The following FNTB variants were observed in gnomAD, a reference collection of about 807,000 sequenced individuals.
The protein encoded by FNTB is protein farnesyltransferase subunit beta.
Under a neutral mutation model 59.4 loss-of-function variants are expected in FNTB, and 27 were observed. The observed-to-expected ratio is 0.45, with a 90% CI of 0.34 to 0.63. The LOEUF is 0.63. Among genes scored for constraint, FNTB ranks in the 20% least tolerant of loss-of-function variants. FNTB has a pLI of 0.02. For synonymous variants in FNTB, 230 were observed against 220.7 expected (o/e 1.04, Z -0.37); for missense variants, 449 against 559.6 (o/e 0.80, Z 1.99).
At position 65,005,291 on chromosome 14, in the gene FNTB, A is replaced by T. The variant is rs369871618; in HGVS notation, c.209+978A>T. 3.9e-5 allele frequency among the ~76,000 whole-genome samples: 6 copies of T among 152,308 alleles called. No homozygotes were observed. In the East Asian group the frequency reaches 9.6e-4, roughly 24 times the overall value. The stretch of plus-strand genomic sequence containing the variant: ...TTGTAATATGTCACACTAGAATTTC[A>T]TAAGGTTATTTCATTCTTGTATTAG... On this transcript the variant is annotated intron_variant, in intron 2 of 11. Coordinates refer to ENST00000246166, the MANE Select transcript of FNTB (RefSeq NM_002028.4).
chr14:64,990,263 T>C lies in FNTB; in HGVS notation c.144+3166T>C, dbSNP rs1161339115. 6.6e-6 allele frequency among the ~76,000 whole-genome samples: 1 copy of C among 152,194 alleles called. No homozygotes were observed. Among genetic ancestry groups the C allele is most frequent in the Non-Finnish European group, 1.5e-5 (1 of 68,024 alleles). On this transcript the variant is annotated intron_variant, in intron 1 of 11. Transcript: ENST00000246166. The surrounding 1 kb of genome is among the most constrained non-coding windows in gnomAD (Gnocchi z 5.2). ...TTACTGCCCCAGATTCACTTGGCCCTTTTCTAGCCTGCTCTGTAGATGTGC... is the reference window on the plus strand; with the variant it reads ...TTACTGCCCCAGATTCACTTGGCCCCTTTCTAGCCTGCTCTGTAGATGTGC...
At position 65,044,335 on chromosome 14, in the gene FNTB, C is replaced by G; in HGVS notation, c.847C>G (p.Arg283Gly). The G allele has an allele frequency of 7.4e-6, 12 of 1,613,402 alleles. No individual in the cohort carries two copies. Among genetic ancestry groups the G allele is most frequent in the Non-Finnish European group, 1.0e-5 (12 of 1,179,752 alleles). Residue 283 changes from arginine to glycine, a missense_variant, in exon 9 of 12, where the codon CGA (arginine) becomes GGA (glycine). By Grantham distance (125) the Arg-to-Gly change is moderately radical. Around this residue, in one of 2 missense-constraint regions of FNTB, gnomAD observed 337 missense variants for 479.1 expected, o/e 0.70. Transcript: ENST00000246166. The surrounding 1 kb of genome is among the most constrained non-coding windows in gnomAD (Gnocchi z 5.5). Reference sequence around the variant, plus strand: ...GCAATGGGTGACAAGCCGGCAGATGCGATTTGAAGGAGGATTTCAGGGCCG... The same window carrying G: ...GCAATGGGTGACAAGCCGGCAGATGGGATTTGAAGGAGGATTTCAGGGCCG... ...LLQWVTSRQM[R>G]FEGGFQGRCN... is the part of the protein sequence containing the mutation.
intron 11 of FNTB, among the ~76,000 whole-genome samples, chr14:65,057,455 A>G (rs1322998159): frequency 6.6e-6 from 1 of 152,118 alleles, no homozygotes; most frequent in Non-Finnish European, 1.5e-5. Context: ...TTAATATTTT[A>G]ATTTTGAAGT....
rs765818642 is a variant in FNTB at position 65,049,727 on chromosome 14, A to G, written c.956-3511A>G. 2.2e-4 allele frequency among the ~76,000 whole-genome samples: 33 copies of G among 152,204 alleles called. 1 individual carries two copies. Among genetic ancestry groups the G allele is most frequent in the African/African-American group, 7.5e-4 (31 of 41,466 alleles). On this transcript the variant is annotated intron_variant, in intron 9 of 11. Transcript: ENST00000246166. ...TTATTTGTTATAGGATATGAAATAT[A>G]TGTACATTTTGTACAGATGTGTAAT...
At chr14:65,024,441 G>A (rs981836063) in intron 4 of FNTB, among the ~76,000 whole-genome samples, 1 of 152,146 alleles carries the variant, frequency 6.6e-6, no homozygotes, top group Non-Finnish European at 1.5e-5. Context: ...CAAAGGCCCA[G>A]GATCTTTTCC....
chr14:65,013,477 C>T (rs377712132), intron 3 of FNTB, among the ~76,000 whole-genome samples: 52 of 152,272 alleles, frequency 3.4e-4, no homozygotes, highest in South Asian at 1.0e-3. Context: ...GACTCAAGTC[C>T]TCAATAGTTA....
intron 4 of FNTB, among the ~76,000 whole-genome samples, chr14:65,019,302 C>CA (rs2061843046): frequency 6.6e-6 from 1 of 152,168 alleles, no homozygotes; most frequent in Admixed American, 6.5e-5. Context: ...GTCTGGCCAA[C>CA]ATGGTGAAAC....
At chr14:65,026,856 C>T (rs888515014) in intron 4 of FNTB, among the ~76,000 whole-genome samples, 1 of 151,074 alleles carries the variant, frequency 6.6e-6, no homozygotes, top group Admixed American at 6.6e-5. Context: ...AGGGCAACCC[C>T]GCCTCAAAAA....
At position 65,061,230 on chromosome 14, in the gene FNTB, C is replaced by T; in HGVS notation, c.1232C>T (p.Ala411Val). The T allele has an allele frequency of 6.2e-7, 1 of 1,614,150 alleles. No individual in the cohort carries two copies. Among genetic ancestry groups the T allele is most frequent in the Non-Finnish European group, 8.5e-7 (1 of 1,180,020 alleles). The change falls in exon 12 of 12, where the codon GCC (alanine) becomes GTC (valine). Residue 411 changes from alanine (A) to valine (V), a missense_variant. Around this residue, in one of 2 missense-constraint regions of FNTB, gnomAD observed 337 missense variants for 479.1 expected, o/e 0.70. Transcript: ENST00000246166. ...ATTGGACCAGACAAGGTGATCCAGG[C>T]CACTACATACTTTCTACAGAAGCCA... ...YNIGPDKVIQ[A>V]TTYFLQKPVP...
chr14:65,040,259 G>A (rs1024798472), intron 7 of FNTB, among the ~76,000 whole-genome samples: 2 of 144,988 alleles, frequency 1.4e-5, no homozygotes, highest in Admixed American at 6.9e-5. Context: ...ATATATATAT[G>A]TATATATATG....
At chr14:65,013,680 C>G (rs1243584858) in intron 3 of FNTB, among the ~76,000 whole-genome samples, 1 of 152,056 alleles carries the variant, frequency 6.6e-6, no homozygotes, top group African/African-American at 2.4e-5. Flanking sequence ...TCTGAGTGGC[C>G]AGGATTACAG....
At chr14:65,026,028 A>C (rs1377808826) in intron 4 of FNTB, among the ~76,000 whole-genome samples, 1 of 152,208 alleles carries the variant, frequency 6.6e-6, no homozygotes. Flanking sequence ...ATTAAATGTG[A>C]TGTTGGCAAA....
chr14:64,995,582 A>T (rs914970458), intron 1 of FNTB, among the ~76,000 whole-genome samples: 3 of 151,950 alleles, frequency 2.0e-5, no homozygotes, highest in Non-Finnish European at 4.4e-5. Flanking sequence ...AATATGGGGT[A>T]CGTTCTTGAC....
chr14:65,000,838 A>AAAAAAAAAAAAAAAAAAAAAAAAAAAG lies in FNTB; in HGVS notation c.145-3408_145-3407insAAAAAAAAAAAAAAAAAAAAAAAGAAA, dbSNP rs778200008. 7.3e-4 allele frequency among the ~76,000 whole-genome samples: 85 copies of AAAAAAAAAAAAAAAAAAAAAAAAAAAG among 116,076 alleles called. 7 individuals are homozygous for AAAAAAAAAAAAAAAAAAAAAAAAAAAG. The highest frequency in any genetic ancestry group is 1.2e-3 in the Non-Finnish European group (60 of 49,726). 76.2% of individuals were successfully genotyped at this position (116,076 alleles called of 152,430 possible). ...CTCAAAAAAAAAAAAAAAAAAAAAA[A>AAAAAAAAAAAAAAAAAAAAAAAAAAAG]AAAGAATAGTTACCCAAAAAGCTGG... On this transcript the variant is annotated intron_variant, in intron 1 of 11. Transcript: ENST00000246166.
At chr14:65,008,808 C>T (rs939430499) in intron 2 of FNTB, among the ~76,000 whole-genome samples, 2 of 152,156 alleles carry the variant, frequency 1.3e-5, no homozygotes, top group African/African-American at 2.4e-5. Flanking sequence ...TGGGCTCACC[C>T]CTCATAAGAA....
intron 11 of FNTB, among the ~76,000 whole-genome samples, chr14:65,060,890 AAAAAAC>A (rs2062851505): frequency 6.8e-6 from 1 of 147,992 alleles, no homozygotes; most frequent in Non-Finnish European, 1.5e-5. Flanking sequence ...AAAAAAAAAA[AAAAAAC>A]AGTTTGAGAT....
chr14:64,992,317 G>C (rs1176171012), intron 1 of FNTB, among the ~76,000 whole-genome samples: 1 of 152,126 alleles, frequency 6.6e-6, no homozygotes, highest in Non-Finnish European at 1.5e-5. Flanking sequence ...AAAAATACCT[G>C]CTTACAAAAT....
chr14:65,015,710 C>T lies in FNTB; in HGVS notation c.368C>T (p.Ala123Val). The T allele has an allele frequency of 1.2e-6, 2 of 1,614,140 alleles. No individual in the cohort carries two copies. The highest frequency in any genetic ancestry group is 1.7e-6 in the Non-Finnish European group (2 of 1,180,004). The change falls in exon 4 of 12, where the codon GCT becomes GTT. Residue 123 changes from alanine to valine, a missense_variant. Physicochemically the swap from Ala to Val is moderately conservative, Grantham distance 64. This residue lies in a region of FNTB where 337 missense variants were observed against 479.1 expected (regional missense o/e 0.70). Coordinates refer to ENST00000246166, the MANE Select transcript of FNTB (RefSeq NM_002028.4). ...GATGAACCCATCCCCCAGATAGTGG[C>T]TACAGAGTGAGTCTGTCTTTGGGAA... is the stretch of plus-strand genomic sequence containing the variant. ...LLDEPIPQIV[A>V]TDVCQFLELC... is the part of the protein sequence containing the mutation.
rs776273553 is a variant in FNTB at position 64,987,074 on chromosome 14, G to C, written c.121G>C (p.Glu41Gln). The C allele has an allele frequency of 3.1e-5, 50 of 1,614,130 alleles. No homozygotes were observed. Among genetic ancestry groups the C allele is most frequent in the Non-Finnish European group, 3.6e-5 (43 of 1,180,058 alleles). The change falls in exon 1 of 12, where the codon GAA becomes CAA. Residue 41 changes from glutamate to glutamine, a missense_variant. Physicochemically the swap from Glu to Gln is conservative, Grantham distance 29 (BLOSUM62 2). Coordinates refer to ENST00000246166, the MANE Select transcript of FNTB (RefSeq NM_002028.4). ...AGAGCGGTTGCAGGACGACTCGGTGGAAACAGTCACGTCCATAGAACAGGT... is the reference window on the plus strand; with the variant it reads ...AGAGCGGTTGCAGGACGACTCGGTGCAAACAGTCACGTCCATAGAACAGGT... Reference protein sequence around the residue: ...ARERLQDDSVETVTSIEQAKV... With the variant: ...ARERLQDDSVQTVTSIEQAKV...
Sources: allele counts gnomAD v4.1 joint callset (sites outside exome capture counted in the v4.1 genomes callset), GRCh38; gene constraint gnomAD v4.1.1; regional missense constraint gnomAD v4.1.1; non-coding constraint Gnocchi (gnomAD v3.1); transcripts MANE v1.5; gene names NCBI Gene and HGNC (gene_info 2026-07-23, HGNC 2026-07-21).